The following SPDL1 variants were observed in gnomAD, a reference collection of about 807,000 sequenced individuals.
SPDL1 encodes protein Spindly.
Under a neutral mutation model 79.5 loss-of-function variants are expected in SPDL1, and 85 were observed. That is an observed-to-expected ratio of 1.07 (90% CI 0.90 to 1.28). SPDL1 has a LOEUF of 1.28. SPDL1 is among the 50% of genes most tolerant of loss of function. The pLI is 0.00. For synonymous variants in SPDL1, 269 were observed against 240.3 expected (o/e 1.12, Z -1.10); for missense variants, 703 against 697.8 (o/e 1.01, Z -0.08).
rs1755742672 is a variant in SPDL1, at chr5:169,599,008, A to G, written c.1173A>G (p.Ile391Met). Residue 391 changes from isoleucine to methionine, a missense_variant, in exon 10 of 12, where the codon ATA (isoleucine) becomes ATG (methionine). Transcript: ENST00000265295. ...EIESTKGELS[I>M]QRMKALFESQ... ...AAAGCACTAAAGGTGAATTGTCCATACAGCGAATGAAAGCATTATTTGAGA... is the reference window on the plus strand; with the variant it reads ...AAAGCACTAAAGGTGAATTGTCCATGCAGCGAATGAAAGCATTATTTGAGA... 1 of 1,571,940 alleles carries G rather than the reference A, an allele frequency of 6.4e-7. No homozygotes were observed. Among genetic ancestry groups the G allele is most frequent in the Admixed American group, 1.8e-5 (1 of 54,324 alleles).
chr5:169,588,591 C>T lies in SPDL1; in HGVS notation c.159+16C>T. 1 of 1,597,020 alleles carries T rather than the reference C, an allele frequency of 6.3e-7. No homozygotes were observed. The highest frequency in any genetic ancestry group is 8.5e-7 in the Non-Finnish European group (1 of 1,171,908). ...CATGACTGAGGTAGGACTCTGGACT[C>T]CTCTGTCTGCAAGAGTGTGCTTAGC... is the stretch of plus-strand genomic sequence containing the variant. On this transcript the variant is annotated intron_variant, in intron 2 of 11. Coordinates refer to ENST00000265295, the MANE Select transcript of SPDL1 (RefSeq NM_017785.5).
rs915449621 is a variant in SPDL1, at chr5:169,585,975, G to A, written c.-24+2086G>A. 7.2e-5 allele frequency: 11 copies of A among 152,186 alleles called. 1 individual carries two copies. The highest frequency in any genetic ancestry group is 2.7e-4 in the African/African-American group (11 of 41,424). 9.4% of individuals were successfully genotyped at this position (152,186 alleles called of 1,614,324 possible). A position where few individuals can be genotyped will look rare whatever the true frequency, so the allele number is the denominator to read the frequency against. On this transcript the variant is annotated intron_variant, in intron 1 of 11. Coordinates refer to ENST00000265295, the MANE Select transcript of SPDL1 (RefSeq NM_017785.5). ...GGGACATCACTAGCAATTCTCCAGT[G>A]TCTTCTAGATCATCAGTTTTTCTTC...
chr5:169,593,265 CA>C, intron 3 of SPDL1, 88 bp from the exon 4 acceptor site: 1 of 1,145,568 alleles, frequency 8.7e-7, no homozygotes, highest in Non-Finnish European at 1.2e-6. Flanking sequence ...TATCATCATT[CA>C]GTAAGTTTGG....
chr5:169,598,636 G>C lies in SPDL1; in HGVS notation c.1136+57G>C, dbSNP rs1755722380. 2.2e-6 allele frequency: 3 copies of C among 1,383,396 alleles called. No homozygotes were observed. The Admixed American group carries it at 5.8e-5, about 27-fold the overall frequency. The allele number at this position is 1,383,396 out of a possible 1,614,324, so 85.7% of individuals were successfully genotyped here. On this transcript the variant is annotated intron_variant, in intron 9 of 11. Transcript: ENST00000265295. ...AACATGTCACTTGCTTACTATGGTA[G>C]TGTCAGTGACTACAAAGTTTTTTTG...
rs1286860880 is a variant in SPDL1 at position 169,601,819 on chromosome 5, T to TAAA, written c.1670+194_1670+195insAAA. On this transcript the variant is annotated intron_variant, in intron 11 of 11. Coordinates refer to ENST00000265295, the MANE Select transcript of SPDL1 (RefSeq NM_017785.5). Reference sequence around the variant, plus strand: ...TAAACTGATTGCAAAGGGAAAGGACTCTTGAATAAGGCAATCACATTAAAA... The same window carrying TAAA: ...TAAACTGATTGCAAAGGGAAAGGACTAAACTTGAATAAGGCAATCACATTAAAA... 1.3e-4 allele frequency: 92 copies of TAAA among 683,948 alleles called. 1 individual carries two copies. The highest frequency in any genetic ancestry group is 4.8e-4 in the Middle Eastern group (2 of 4,210). 42.4% of individuals were successfully genotyped at this position (683,948 alleles called of 1,614,324 possible). A position where few individuals can be genotyped will look rare whatever the true frequency, so the allele number is the denominator to read the frequency against.
In SPDL1 at chr5:169,588,597, T is replaced by A. The variant is rs761397300; in HGVS notation, c.159+22T>A. 5 of 1,584,498 alleles carry A rather than the reference T, an allele frequency of 3.2e-6. No individual in the cohort carries two copies. The South Asian group carries it at 5.8e-5, about 18-fold the overall frequency. Reference sequence around the variant, plus strand: ...TGAGGTAGGACTCTGGACTCCTCTGTCTGCAAGAGTGTGCTTAGCTATTGA... The same window carrying A: ...TGAGGTAGGACTCTGGACTCCTCTGACTGCAAGAGTGTGCTTAGCTATTGA... On this transcript the variant is annotated intron_variant, in intron 2 of 11. Coordinates refer to ENST00000265295, the MANE Select transcript of SPDL1 (RefSeq NM_017785.5).
intron 3 of SPDL1, 127 bp downstream of exon 3, chr5:169,591,351 C>A: frequency 1.1e-6 from 1 of 872,198 alleles, no homozygotes; most frequent in Non-Finnish European, 1.7e-6. Context: ...TCTTCATTAT[C>A]TTAATATTGG....
At chr5:169,586,610 A>G (rs1483208392) in intron 1 of SPDL1, among the ~76,000 whole-genome samples, 1 of 152,236 alleles carries the variant, frequency 6.6e-6, no homozygotes, top group Non-Finnish European at 1.5e-5. Context: ...GCTTCAGCTG[A>G]TGGCAATTCC....
chr5:169,598,122 G>A (rs1041452827), intron 8 of SPDL1, among the ~76,000 whole-genome samples: 1 of 152,138 alleles, frequency 6.6e-6, no homozygotes, highest in African/African-American at 2.4e-5. Flanking sequence ...TTATGGTTTT[G>A]TTACAAAGGC....
intron 7 of SPDL1, 126 bp downstream of exon 7, chr5:169,594,807 A>G (rs1755507858): frequency 1.8e-6 from 1 of 554,220 alleles, no homozygotes; most frequent in South Asian, 3.3e-5. Flanking sequence ...CTAGAACTGC[A>G]TGATTTCAAA....
In SPDL1 at chr5:169,588,582, C is replaced by T; in HGVS notation, c.159+7C>T. The T allele has an allele frequency of 3.1e-6, 5 of 1,603,054 alleles. No individual in the cohort carries two copies. The highest frequency in any genetic ancestry group is 4.3e-6 in the Non-Finnish European group (5 of 1,175,056). On this transcript the variant is annotated splice_region_variant and intron_variant, in intron 2 of 11. Coordinates refer to ENST00000265295, the MANE Select transcript of SPDL1 (RefSeq NM_017785.5). ...AATGATGACCATGACTGAGGTAGGA[C>T]TCTGGACTCCTCTGTCTGCAAGAGT...
rs766541174 is a variant in SPDL1 at position 169,599,154 on chromosome 5, C to A, written c.1319C>A (p.Pro440His). ...KLDELKLKYE[P>H]EETVEVPVLK... ...GATGAATTGAAACTAAAATATGAAC[C>A]TGAAGGTATATATGTCTCATATATT... The change falls in exon 10 of 12, where the codon CCT becomes CAT. Residue 440 changes from proline (P) to histidine (H), a missense_variant. Physicochemically the swap from Pro to His is moderately conservative, Grantham distance 77. Coordinates refer to ENST00000265295, the MANE Select transcript of SPDL1 (RefSeq NM_017785.5). 1.3e-6 allele frequency: 2 copies of A among 1,503,158 alleles called. No homozygotes were observed. The highest frequency in any genetic ancestry group is 1.8e-6 in the Non-Finnish European group (2 of 1,101,506). The allele number at this position is 1,503,158 out of a possible 1,614,324, so 93.1% of individuals were successfully genotyped here.
rs1158582032 is a variant in SPDL1, at chr5:169,594,670, C to G, written c.880C>G (p.Gln294Glu). 3.7e-6 allele frequency: 6 copies of G among 1,610,304 alleles called. No individual in the cohort carries two copies. The highest frequency in any genetic ancestry group is 5.1e-6 in the Non-Finnish European group (6 of 1,176,754). The change falls in exon 7 of 12, where the codon CAG (glutamine) becomes GAG (glutamate). Residue 294 changes from glutamine to glutamate, a missense_variant. Transcript: ENST00000265295. ...KQNVFNREQM[Q>E]RMKLQIATLL... is the part of the protein sequence containing the mutation. ...AAATGTATTTAACAGAGAACAGATG[C>G]AGAGAATGAAGGTATAGAACTTTCA...
chr5:169,589,836 G>A (rs183912518), intron 2 of SPDL1, among the ~76,000 whole-genome samples: 45 of 152,002 alleles, frequency 3.0e-4, no homozygotes, highest in African/African-American at 9.6e-4. Flanking sequence ...CGAGTAGCTC[G>A]GGGTTACAGA....
rs552267288 is a variant in SPDL1 at position 169,588,452 on chromosome 5, G to A, written c.36G>A (p.Arg12=). The part of the protein sequence containing the change: ...EADIITNLRC[R]LKEAEEERLK... Reference sequence around the variant, plus strand: ...ATATAATCACAAATCTTCGATGCAGGCTCAAAGAGGCTGAAGAAGAGCGAC... The same window carrying A: ...ATATAATCACAAATCTTCGATGCAGACTCAAAGAGGCTGAAGAAGAGCGAC... Residue 12 remains arginine (R), a synonymous_variant, in exon 2 of 12, where the codon AGG becomes AGA. Coordinates refer to ENST00000265295, the MANE Select transcript of SPDL1 (RefSeq NM_017785.5). 6.2e-7 allele frequency: 1 copy of A among 1,613,120 alleles called. No individual in the cohort carries two copies. Among genetic ancestry groups the A allele is most frequent in the Non-Finnish European group, 8.5e-7 (1 of 1,179,620 alleles).
At chr5:169,591,865 A>T (rs1179985574) in intron 3 of SPDL1, among the ~76,000 whole-genome samples, 1 of 152,244 alleles carries the variant, frequency 6.6e-6, no homozygotes. Context: ...AGCATGTTAC[A>T]CTGGCTCCAT....
chr5:169,600,234 A>G (rs778472041), intron 10 of SPDL1, among the ~76,000 whole-genome samples: 7 of 152,156 alleles, frequency 4.6e-5, no homozygotes, highest in Non-Finnish European at 8.8e-5. Flanking sequence ...ATTCTCAACA[A>G]TAGTGGGGAG....
chr5:169,594,939 A>C (rs913758788), intron 7 of SPDL1, among the ~76,000 whole-genome samples: 1 of 152,188 alleles, frequency 6.6e-6, no homozygotes, highest in African/African-American at 2.4e-5. Flanking sequence ...GCTTTGACTT[A>C]AATCTTTCTT....
chr5:169,588,806 A>G (rs757866857), intron 2 of SPDL1: 2 of 309,858 alleles, frequency 6.5e-6, no homozygotes, highest in African/African-American at 2.2e-5. Flanking sequence ...TCTTTGCCAC[A>G]TTTACTACCA....
Sources: allele counts gnomAD v4.1 joint callset (sites outside exome capture counted in the v4.1 genomes callset), GRCh38; gene constraint gnomAD v4.1.1; transcripts MANE v1.5; gene names NCBI Gene and HGNC (gene_info 2026-07-23, HGNC 2026-07-21).